NLGN1: variants seen among roughly 807,000 people sequenced by gnomAD.
NLGN1 encodes neuroligin 1, also known as neuroligin-1.
Under a neutral mutation model 65.5 loss-of-function variants are expected in NLGN1, and 12 were observed. The ratio of observed to expected loss-of-function variants is 0.18; its 90% CI spans 0.12 to 0.30. The LOEUF is 0.30. NLGN1 is among the 10% of genes least tolerant of loss of function. NLGN1 has a pLI of 1.00. For synonymous variants in NLGN1, 350 were observed against 359.5 expected (o/e 0.97, Z 0.30); for missense variants, 750 against 1,007.1 (o/e 0.74, Z 3.46).
At chr3:173,867,004 TTAAAACAGCCATAAACGGCA>T (rs1730305729) in intron 4 of NLGN1, among the ~76,000 whole-genome samples, 1 of 152,192 alleles carries the variant, frequency 6.6e-6, no homozygotes, top group African/African-American at 2.4e-5. Context: ...TGTGTATGGC[TTAAAACAGCCATAAACGGCA>T]TAGTACTATT....
chr3:173,410,767 A>G (rs1712376119), intron 1 of NLGN1, among the ~76,000 whole-genome samples: 1 of 152,246 alleles, frequency 6.6e-6, no homozygotes, highest in Non-Finnish European at 1.5e-5. Flanking sequence ...TACATAAAGT[A>G]TGCCACTTCA....
intron 4 of NLGN1, among the ~76,000 whole-genome samples, chr3:173,958,515 A>G (rs1712705279): frequency 6.6e-6 from 1 of 152,078 alleles, no homozygotes; most frequent in Non-Finnish European, 1.5e-5. Context: ...GCTCCTCTCC[A>G]CAGTGAGGTC....
chr3:174,236,214 G>A (rs1259146320), intron 4 of NLGN1, among the ~76,000 whole-genome samples: 3 of 151,990 alleles, frequency 2.0e-5, no homozygotes, highest in Non-Finnish European at 4.4e-5. Flanking sequence ...GTTCTCTATA[G>A]GATACATGTG....
chr3:173,960,820 G>A (rs1713368089), intron 4 of NLGN1, among the ~76,000 whole-genome samples: 1 of 150,704 alleles, frequency 6.6e-6, no homozygotes, highest in Admixed American at 6.6e-5. Flanking sequence ...AGTTCTAAAG[G>A]GTTTATCTTT....
At chr3:174,035,600 C>T (rs1296047230) in intron 4 of NLGN1, among the ~76,000 whole-genome samples, 1 of 152,160 alleles carries the variant, frequency 6.6e-6, no homozygotes, top group Admixed American at 6.5e-5. Context: ...TTTTATCTGC[C>T]TGCCAAGTTG....
chr3:173,436,336 C>T (rs1201089369), intron 2 of NLGN1, among the ~76,000 whole-genome samples: 3 of 152,124 alleles, frequency 2.0e-5, no homozygotes, highest in Non-Finnish European at 4.4e-5. Flanking sequence ...TGCTCCACCT[C>T]ACACAATTTT....
chr3:174,254,902 T>TTA (rs1745400400), intron 4 of NLGN1, among the ~76,000 whole-genome samples: 5 of 152,196 alleles, frequency 3.3e-5, no homozygotes, highest in Admixed American at 3.3e-4. Context: ...TTCTCCCTTG[T>TTA]TATATATATT....
chr3:173,551,661 G>A (rs1502474), intron 2 of NLGN1, among the ~76,000 whole-genome samples: 1 of 151,670 alleles, frequency 6.6e-6, no homozygotes, highest in Non-Finnish European at 1.5e-5. Context: ...ACTTTTTATG[G>A]AGTAATGTGA....
intron 4 of NLGN1, among the ~76,000 whole-genome samples, chr3:174,228,542 T>C (rs1474863880): frequency 6.6e-6 from 1 of 152,158 alleles, no homozygotes; most frequent in Non-Finnish European, 1.5e-5. Context: ...ATAAAATATC[T>C]TTTAGAAAAT....
At chr3:174,089,914 A>C (rs1218162763) in intron 4 of NLGN1, among the ~76,000 whole-genome samples, 1 of 147,620 alleles carries the variant, frequency 6.8e-6, no homozygotes, top group Non-Finnish European at 1.5e-5. Flanking sequence ...TTTTTCTTTT[A>C]ACATATTATT....
At chr3:173,404,303 C>G (rs1718225804) in intron 1 of NLGN1, among the ~76,000 whole-genome samples, 1 of 152,040 alleles carries the variant, frequency 6.6e-6, no homozygotes, top group South Asian at 2.1e-4. Flanking sequence ...TTCAAAGCAA[C>G]TTTTGTGATG....
chr3:173,930,155 T>C (rs1324857370), intron 4 of NLGN1, among the ~76,000 whole-genome samples: 4 of 152,246 alleles, frequency 2.6e-5, no homozygotes, highest in African/African-American at 2.4e-5. Flanking sequence ...TTATAAATGA[T>C]GAATGTTTTA....
chr3:173,977,112 C>G (rs567022711), intron 4 of NLGN1, among the ~76,000 whole-genome samples: 6 of 150,222 alleles, frequency 4.0e-5, no homozygotes, highest in Admixed American at 2.6e-4. Context: ...CACACGCACA[C>G]ACACACACAC....
intron 3 of NLGN1, among the ~76,000 whole-genome samples, chr3:173,705,916 C>T (rs887925313): frequency 6.6e-6 from 1 of 151,986 alleles, no homozygotes; most frequent in Non-Finnish European, 1.5e-5. Context: ...AAATACAAAC[C>T]AGGAAAAAAT....
intron 4 of NLGN1, among the ~76,000 whole-genome samples, chr3:173,972,394 G>A (rs1397358308): frequency 6.6e-6 from 1 of 152,150 alleles, no homozygotes. Context: ...CTCTACAATG[G>A]TGGTAGAATG....
intron 4 of NLGN1, among the ~76,000 whole-genome samples, chr3:174,094,746 TAAAAAAAAAAA>T (rs5854552): frequency 1.1e-5 from 1 of 88,908 alleles, no homozygotes; most frequent in East Asian, 3.1e-4. Context: ...TTGGCTCCGC[TAAAAAAAAAAA>T]AAAAAAAAAA....
intron 4 of NLGN1, among the ~76,000 whole-genome samples, chr3:174,176,474 CT>C (rs751060206): frequency 5.9e-5 from 9 of 151,974 alleles, no homozygotes; most frequent in South Asian, 2.1e-4. Flanking sequence ...CAGTAAACAG[CT>C]TTTCTGCAGG....
chr3:173,729,389 G>A (rs749057356), intron 3 of NLGN1, among the ~76,000 whole-genome samples: 133 of 152,058 alleles, frequency 8.7e-4, no homozygotes, highest in Non-Finnish European at 1.5e-3. Context: ...GAGTCTTTGG[G>A]CATTACAATA....
At chr3:173,455,121 C>T (rs891236211) in intron 2 of NLGN1, among the ~76,000 whole-genome samples, 1 of 152,158 alleles carries the variant, frequency 6.6e-6, no homozygotes, top group African/African-American at 2.4e-5. Flanking sequence ...CATCAAAGAT[C>T]ACAGTGTCAG....
Sources: allele counts gnomAD v4.1 joint callset (sites outside exome capture counted in the v4.1 genomes callset), GRCh38; gene constraint gnomAD v4.1.1; transcripts MANE v1.5; gene names NCBI Gene and HGNC (gene_info 2026-07-23, HGNC 2026-07-21).